The following SLC16A10 variants were observed in gnomAD, a reference collection of about 807,000 sequenced individuals.
SLC16A10 encodes the protein monocarboxylate transporter 10.
A neutral mutation model predicts 40.0 loss-of-function variants in SLC16A10; 27 were observed. The ratio of observed to expected loss-of-function variants is 0.67; its 90% CI spans 0.50 to 0.93. The LOEUF is 0.93. Ranked by LOEUF, SLC16A10 falls within the 40% of genes least tolerant of loss-of-function variation. The pLI, the probability that SLC16A10 is intolerant of heterozygous loss-of-function variation, is 0.00. For missense variants in SLC16A10, 529 were observed against 658.2 expected, an observed-to-expected ratio of 0.80 and a Z score of 2.15; for synonymous variants, 213 against 249.8, an observed-to-expected ratio of 0.85 and a Z score of 1.39.
chr6:111,186,617 T>G (rs1254499673), intron 3 of SLC16A10, among the ~76,000 whole-genome samples: 1 of 152,186 alleles, frequency 6.6e-6, no homozygotes, highest in Non-Finnish European at 1.5e-5. Context: ...TTGTAGTCAC[T>G]AACTCTAAGG....
chr6:111,198,796 C>T (rs945608939), intron 3 of SLC16A10, among the ~76,000 whole-genome samples: 2 of 152,114 alleles, frequency 1.3e-5, no homozygotes, highest in Non-Finnish European at 2.9e-5. Context: ...CACATTTAGC[C>T]GATAGGTGAC....
At chr6:111,130,316 T>G (rs765374322) in intron 1 of SLC16A10, among the ~76,000 whole-genome samples, 2 of 152,228 alleles carry the variant, frequency 1.3e-5, no homozygotes, top group Non-Finnish European at 2.9e-5. Context: ...GAAGGCATTC[T>G]TCTCTACTAT....
chr6:111,148,329 CT>C (rs1454857057), intron 1 of SLC16A10, among the ~76,000 whole-genome samples: 1 of 152,164 alleles, frequency 6.6e-6, no homozygotes, highest in Non-Finnish European at 1.5e-5. Flanking sequence ...TATGGTTTTT[CT>C]TGGCAGGTTT....
At chr6:111,146,000 A>G (rs1349863387) in intron 1 of SLC16A10, among the ~76,000 whole-genome samples, 1 of 152,258 alleles carries the variant, frequency 6.6e-6, no homozygotes, top group Non-Finnish European at 1.5e-5. Flanking sequence ...TTCAAAGGGC[A>G]CACCAAGAAA....
intron 1 of SLC16A10, among the ~76,000 whole-genome samples, chr6:111,168,849 A>G (rs780254750): frequency 1.3e-5 from 2 of 152,126 alleles, no homozygotes; most frequent in Non-Finnish European, 2.9e-5. Flanking sequence ...GAAGGATACT[A>G]TGGGTCAGGA....
chr6:111,195,079 G>C (rs141648530), intron 3 of SLC16A10, among the ~76,000 whole-genome samples: 38 of 152,062 alleles, frequency 2.5e-4, no homozygotes, highest in African/African-American at 9.2e-4. Context: ...TCCTAGATAA[G>C]AAGACCTCTA....
chr6:111,169,782 A>G (rs766563629), intron 1 of SLC16A10, among the ~76,000 whole-genome samples: 13 of 152,232 alleles, frequency 8.5e-5, no homozygotes, highest in Non-Finnish European at 1.9e-4. Context: ...AAGAAGCTAT[A>G]TTTGATTATA....
chr6:111,133,944 G>C (rs1771830937), intron 1 of SLC16A10, among the ~76,000 whole-genome samples: 1 of 152,144 alleles, frequency 6.6e-6, no homozygotes, highest in African/African-American at 2.4e-5. Context: ...AACCCTGATG[G>C]CTATATTGAT....
intron 1 of SLC16A10, among the ~76,000 whole-genome samples, chr6:111,166,628 A>G (rs1772479054): frequency 6.6e-6 from 1 of 152,254 alleles, no homozygotes; most frequent in East Asian, 1.9e-4. Context: ...TTTAACTACA[A>G]TAAATCTTCC....
intron 1 of SLC16A10, among the ~76,000 whole-genome samples, chr6:111,138,646 CTT>C (rs549418719): frequency 6.9e-6 from 1 of 145,314 alleles, no homozygotes; most frequent in East Asian, 2.0e-4. Context: ...CTATTTGGTG[CTT>C]TTTTTTTTTC....
chr6:111,214,836 C>T (rs1425054371), intron 4 of SLC16A10, among the ~76,000 whole-genome samples: 8 of 152,090 alleles, frequency 5.3e-5, no homozygotes, highest in Middle Eastern at 3.4e-3. Context: ...ATAATATGCT[C>T]AGTCTGGGCG....
At chr6:111,163,213 C>A (rs957794227) in intron 1 of SLC16A10, among the ~76,000 whole-genome samples, 1 of 129,416 alleles carries the variant, frequency 7.7e-6, no homozygotes, top group Non-Finnish European at 1.5e-5. Flanking sequence ...AGTGCAGTGG[C>A]GGGATCTCGG....
At chr6:111,216,400 T>TCTTTC (rs1773421422) in intron 4 of SLC16A10, among the ~76,000 whole-genome samples, 2 of 149,244 alleles carry the variant, frequency 1.3e-5, no homozygotes, top group Non-Finnish European at 2.9e-5. Context: ...CAACTCGTAT[T>TCTTTC]CTTTTCTTTT....
intron 3 of SLC16A10, among the ~76,000 whole-genome samples, chr6:111,180,248 T>G (rs1280972953): frequency 6.6e-6 from 1 of 152,212 alleles, no homozygotes; most frequent in Non-Finnish European, 1.5e-5. Flanking sequence ...CCGGAAAGAT[T>G]AAATAACTTG....
At chr6:111,111,315 A>C (rs1179036180) in intron 1 of SLC16A10, among the ~76,000 whole-genome samples, 2 of 152,222 alleles carry the variant, frequency 1.3e-5, no homozygotes, top group Non-Finnish European at 2.9e-5. Context: ...CATAACATAT[A>C]TACATTGTAG....
chr6:111,191,529 A>G (rs529245562), intron 3 of SLC16A10, among the ~76,000 whole-genome samples: 37 of 152,364 alleles, frequency 2.4e-4, no homozygotes, highest in Admixed American at 9.8e-4. Flanking sequence ...CTTTGGGTAT[A>G]TAACCAGTAA....
At chr6:111,109,631 TG>T (rs1309598894) in intron 1 of SLC16A10, among the ~76,000 whole-genome samples, 6 of 152,130 alleles carry the variant, frequency 3.9e-5, no homozygotes, top group South Asian at 2.1e-4. Flanking sequence ...TTAAATTGTT[TG>T]TAGAGATGGG....
chr6:111,136,528 A>G (rs537521114), intron 1 of SLC16A10, among the ~76,000 whole-genome samples: 1 of 152,344 alleles, frequency 6.6e-6, no homozygotes, highest in Non-Finnish European at 1.5e-5. Context: ...ATCAGGCTCT[A>G]TTACTTGAAG....
intron 3 of SLC16A10, among the ~76,000 whole-genome samples, chr6:111,203,213 C>T (rs1773200502): frequency 2.0e-5 from 3 of 152,154 alleles, no homozygotes; most frequent in African/African-American, 7.2e-5. Flanking sequence ...TATAAAACAG[C>T]AGCAGTCATG....
Sources: allele counts gnomAD v4.1 joint callset (sites outside exome capture counted in the v4.1 genomes callset), GRCh38; gene constraint gnomAD v4.1.1; transcripts MANE v1.5; gene names NCBI Gene and HGNC (gene_info 2026-07-23, HGNC 2026-07-21).